The following NLRP1 variants were observed in gnomAD, a reference collection of about 807,000 sequenced individuals.
NLRP1 encodes the protein NLR family pyrin domain containing 1, also known as NACHT, LRR and PYD domains-containing protein 1.
NLRP1 carries 94 observed loss-of-function variants against 136.7 expected under a neutral mutation model. That is an observed-to-expected ratio of 0.69 (90% confidence interval 0.58 to 0.82). The LOEUF (loss-of-function observed/expected upper bound fraction) is 0.82, where lower values mean the gene tolerates loss of function less well. Ranked by LOEUF, NLRP1 falls within the 40% of genes least tolerant of loss-of-function variation. The probability of loss-of-function intolerance (pLI) is 0.00; values close to 1 mark genes in which losing one functional copy is unlikely to be tolerated. For synonymous variants in NLRP1, 690 were observed against 725.1 expected (o/e 0.95, Z 0.78); for missense variants, 1,575 against 1,802.7 (o/e 0.87, Z 2.29).
rs760467296 is a variant in NLRP1, at chr17:5,515,475, A to G, written c.4100T>C (p.Ile1367Thr). The change falls in exon 16 of 17, where the codon ATA becomes ACA. Residue 1367 changes from isoleucine (I) to threonine (T), a missense_variant and splice_region_variant. Transcript: ENST00000572272. ...PATTLIPPAR[I>T]AVPSPLDAPQ... Reference sequence around the variant, plus strand: ...GGTCTCTGAGAGCTGTTACTGACCTATGCGGGCTGGAGGGATCAGAGTAGT... The same window carrying G: ...GGTCTCTGAGAGCTGTTACTGACCTGTGCGGGCTGGAGGGATCAGAGTAGT... 6.2e-7 allele frequency: 1 copy of G among 1,612,848 alleles called. No homozygotes were observed. The highest frequency in any genetic ancestry group is 8.5e-7 in the Non-Finnish European group (1 of 1,178,878).
chr17:5,579,333 TAAAA>T (rs1905337839), intron 3 of NLRP1, among the ~76,000 whole-genome samples: 1 of 148,102 alleles, frequency 6.8e-6, no homozygotes, highest in Non-Finnish European at 1.5e-5. Flanking sequence ...CAGAATAGAA[TAAAA>T]AAAGAGACCT....
intron 12 of NLRP1, among the ~76,000 whole-genome samples, chr17:5,522,658 A>G (rs1567634470): frequency 1.3e-5 from 2 of 152,148 alleles, no homozygotes; most frequent in Admixed American, 6.6e-5. Context: ...ACCAGGTGGG[A>G]GCACTTAGCA....
At chr17:5,501,731 A>T in exon 16 of NLRP1, 3 of 1,102,706 alleles carry the variant, frequency 2.7e-6, no homozygotes, top group Non-Finnish European at 1.4e-6. Flanking sequence ...CATTTCTCAG[A>T]CCCACCTGCG....
At position 5,544,116 on chromosome 17, in the gene NLRP1, C is replaced by T. The variant is rs117510084; in HGVS notation, c.2529-2089G>A. ...TGATGCCATCTCCTGCCACCTCCCT[C>T]CCTCCCTCTAGGGGAAATAGTTCTT... On this transcript the variant is annotated intron_variant, in intron 5 of 16. Transcript: ENST00000572272. 9.2e-3 allele frequency among the ~76,000 whole-genome samples: 1,395 copies of T among 152,328 alleles called. 26 individuals carry two copies. Among genetic ancestry groups the T allele is most frequent in the East Asian group, 0.081 (420 of 5,190 alleles).
At chr17:5,576,093 A>C (rs1331820377) in intron 3 of NLRP1, among the ~76,000 whole-genome samples, 1 of 152,234 alleles carries the variant, frequency 6.6e-6, no homozygotes, top group Non-Finnish European at 1.5e-5. Context: ...CAAAGACACA[A>C]CATACCAGAA....
At chr17:5,545,511 C>T (rs893397356) in intron 5 of NLRP1, among the ~76,000 whole-genome samples, 5 of 142,420 alleles carry the variant, frequency 3.5e-5, no homozygotes, top group African/African-American at 5.2e-5. Flanking sequence ...CACACACACA[C>T]ATACACACAC....
chr17:5,521,181 A>C (rs926188516), intron 13 of NLRP1, among the ~76,000 whole-genome samples, 169 bp from the exon 14 acceptor site: 2 of 152,092 alleles, frequency 1.3e-5, no homozygotes, highest in African/African-American at 4.8e-5. Flanking sequence ...TTGGTCTTTG[A>C]TGTCTTCAGG....
At chr17:5,528,703 C>A (rs981882840) in intron 12 of NLRP1, among the ~76,000 whole-genome samples, 1 of 152,148 alleles carries the variant, frequency 6.6e-6, no homozygotes, top group African/African-American at 2.4e-5. Flanking sequence ...TATATGCATA[C>A]TGTAAAGTTA....
intron 8 of NLRP1, 120 bp downstream of exon 8, chr17:5,536,731 C>A (rs1377680624): frequency 1.5e-6 from 1 of 664,726 alleles, no homozygotes. Context: ...CTCACTCTGG[C>A]TGCTGTGGTG....
rs752816859 is a variant in NLRP1 at position 5,559,642 on chromosome 17, C to T, written c.1054G>A (p.Gly352Arg). 2 of 1,614,232 alleles carry T rather than the reference C, an allele frequency of 1.2e-6. No individual in the cohort carries two copies. The highest frequency in any genetic ancestry group is 1.7e-6 in the Non-Finnish European group (2 of 1,180,036). ...CGGTCCCCATACAGCTGGCCTCTCC[C>T]CCAGGCTTCCTTCACCTGCCTGGCC... ...TLARQVKEAWGRGQLYGDRFQ... is the reference protein window; with the variant it reads ...TLARQVKEAWRRGQLYGDRFQ... Residue 352 changes from glycine to arginine, a missense_variant, in exon 4 of 17, where the codon GGG becomes AGG. Physicochemically the swap from Gly to Arg is moderately radical, Grantham distance 125. Coordinates refer to ENST00000572272, the MANE Select transcript of NLRP1 (RefSeq NM_033004.4).
intron 12 of NLRP1, among the ~76,000 whole-genome samples, chr17:5,529,136 T>C (rs1225107666): frequency 6.6e-6 from 1 of 152,210 alleles, no homozygotes; most frequent in Non-Finnish European, 1.5e-5. Context: ...TAGTTTCACA[T>C]TAATGAGACT....
chr17:5,516,180 G>A (rs1908086718), intron 15 of NLRP1, among the ~76,000 whole-genome samples: 1 of 152,166 alleles, frequency 6.6e-6, no homozygotes, highest in African/African-American at 2.4e-5. Context: ...AGTTCAGGGA[G>A]GTGGGCACAG....
rs745355942 is a variant in NLRP1 at position 5,558,868 on chromosome 17, G to C, written c.1828C>G (p.Leu610Val). 9.3e-6 allele frequency: 15 copies of C among 1,614,134 alleles called. No individual in the cohort carries two copies. The highest frequency in any genetic ancestry group is 1.2e-5 in the Non-Finnish European group (14 of 1,180,016). ...CTCAGAGGGATGGGGTGCTCTTGAA[G>C]AATACCCATCTTCAAGAAGGTGGAG... Reference protein sequence around the residue: ...IISTFLKMGILQEHPIPLSYS... With the variant: ...IISTFLKMGIVQEHPIPLSYS... Residue 610 changes from leucine to valine, a missense_variant, in exon 4 of 17, where the codon CTT becomes GTT. By Grantham distance (32) the Leu-to-Val change is conservative. Coordinates refer to ENST00000572272, the MANE Select transcript of NLRP1 (RefSeq NM_033004.4).
At position 5,553,446 on chromosome 17, in the gene NLRP1, G is replaced by A. The variant is rs200269854; in HGVS notation, c.2468C>T (p.Ser823Phe). Residue 823 changes from serine to phenylalanine, a missense_variant, in exon 5 of 17, where the codon TCT (serine) becomes TTT (phenylalanine). Ser to Phe is a radical substitution (Grantham distance 155). Transcript: ENST00000572272. ...LDLSGNSLSH[S>F]AVKSLCKTLR... ...GGTCTTACAAAGACTCTTCACTGCA[G>A]AGTGGCTCAGCGAGTTTCCACTTAG... is the stretch of plus-strand genomic sequence containing the variant. 5.6e-6 allele frequency: 9 copies of A among 1,614,102 alleles called. No individual in the cohort carries two copies. Among genetic ancestry groups the A allele is most frequent in the Non-Finnish European group, 7.6e-6 (9 of 1,180,036 alleles).
chr17:5,511,782 T>A (rs1307905824), downstream of NLRP1, among the ~76,000 whole-genome samples: 1 of 149,316 alleles, frequency 6.7e-6, no homozygotes, highest in Non-Finnish European at 1.5e-5. Context: ...TCTTTCTTCT[T>A]TCTTTCTCTT....
chr17:5,540,621 A>T (rs1911748097), intron 6 of NLRP1, among the ~76,000 whole-genome samples: 1 of 152,122 alleles, frequency 6.6e-6, no homozygotes, highest in South Asian at 2.1e-4. Context: ...GCCTTGGGAA[A>T]ATAATGAATC....
chr17:5,541,916 A>G lies in NLRP1; in HGVS notation c.2640T>C (p.Ala880=). The G allele has an allele frequency of 6.2e-7, 1 of 1,614,006 alleles. No homozygotes were observed. The highest frequency in any genetic ancestry group is 8.5e-7 in the Non-Finnish European group (1 of 1,180,024). ...LDLSFNVLTD[A]GAKHLCQRLR... Reference sequence around the variant, plus strand: ...GTCTCTGGCAAAGGTGTTTGGCTCCAGCATCCGTGAGCACATTGAAGCTCA... The same window carrying G: ...GTCTCTGGCAAAGGTGTTTGGCTCCGGCATCCGTGAGCACATTGAAGCTCA... Residue 880 remains alanine, a synonymous_variant, in exon 6 of 17, where the codon GCT becomes GCC. Transcript: ENST00000572272. The surrounding 1 kb of genome is among the most constrained non-coding windows in gnomAD (Gnocchi z 4.2).
intron 3 of NLRP1, among the ~76,000 whole-genome samples, chr17:5,565,344 C>T (rs1297945876): frequency 6.6e-6 from 1 of 152,108 alleles, no homozygotes; most frequent in East Asian, 1.9e-4. Context: ...AGATTTTTTC[C>T]TATAGAGTCA....
At chr17:5,515,134 G>A (rs1907920168) in intron 16 of NLRP1, 61 bp from the exon 17 acceptor site, 2 of 1,454,926 alleles carry the variant, frequency 1.4e-6, no homozygotes, top group Admixed American at 1.8e-5. Context: ...CACCTTCAGT[G>A]CTTTCCTCTC....
Sources: allele counts gnomAD v4.1 joint callset (sites outside exome capture counted in the v4.1 genomes callset), GRCh38; gene constraint gnomAD v4.1.1; non-coding constraint Gnocchi (gnomAD v3.1); transcripts MANE v1.5; gene names NCBI Gene and HGNC (gene_info 2026-07-23, HGNC 2026-07-21).